Variants in CTNNA3 observed in about 807,000 individuals in gnomAD.
CTNNA3 encodes catenin alpha-3.
In CTNNA3, 76 loss-of-function variants were observed where a neutral mutation model predicts 95.7. The observed-to-expected ratio is 0.79, with a 90% CI of 0.66 to 0.96. The LOEUF (loss-of-function observed/expected upper bound fraction) is 0.96, where lower values mean the gene tolerates loss of function less well. Among genes scored for constraint, CTNNA3 ranks in the 40% least tolerant of loss-of-function variants. The pLI, the probability that CTNNA3 is intolerant of heterozygous loss-of-function variation, is 0.00. For synonymous variants in CTNNA3, 431 were observed against 374.4 expected, an observed-to-expected ratio of 1.15 and a Z score of -1.74; for missense variants, 1,191 against 1,089.8, an observed-to-expected ratio of 1.09 and a Z score of -1.31.
chr10:66,510,560 G>T (rs187587506), intron 11 of CTNNA3, among the ~76,000 whole-genome samples: 11 of 67,742 alleles, frequency 1.6e-4, no homozygotes, highest in African/African-American at 4.0e-4. Flanking sequence ...TTGTGTTGAG[G>T]TATATTCCCT....
At chr10:67,223,181 G>A (rs923309074) in intron 5 of CTNNA3, among the ~76,000 whole-genome samples, 3 of 152,170 alleles carry the variant, frequency 2.0e-5, no homozygotes, top group African/African-American at 7.2e-5. Context: ...AACTGACAAG[G>A]CATGACCATT....
At chr10:65,994,204 G>A (rs2078600515) in intron 15 of CTNNA3, among the ~76,000 whole-genome samples, 1 of 152,038 alleles carries the variant, frequency 6.6e-6, no homozygotes, top group Admixed American at 6.6e-5. Context: ...TACCATTTGA[G>A]TAGTTTCTAC....
chr10:66,771,276 T>C (rs1007977717), intron 8 of CTNNA3, among the ~76,000 whole-genome samples: 20 of 152,208 alleles, frequency 1.3e-4, no homozygotes, highest in Non-Finnish European at 5.9e-5. Context: ...AGCCTGCCTT[T>C]AGTGAAATCA....
At chr10:66,159,368 G>A (rs1445286650) in intron 13 of CTNNA3, among the ~76,000 whole-genome samples, 3 of 152,010 alleles carry the variant, frequency 2.0e-5, no homozygotes, top group African/African-American at 7.2e-5. Context: ...TAATCATAAA[G>A]CGATGCTAGA....
chr10:66,160,014 A>G (rs1016114870), intron 13 of CTNNA3, among the ~76,000 whole-genome samples: 10 of 151,918 alleles, frequency 6.6e-5, no homozygotes, highest in Non-Finnish European at 1.2e-4. Flanking sequence ...CAGTGGTGTC[A>G]GTTGTAGTGT....
Position 66,018,213 on chromosome 10 carries a change from C to CAT in CTNNA3, c.2160-29417_2160-29416insAT, listed in dbSNP as rs1453802990. Among the ~76,000 whole-genome samples, 370 of 151,914 alleles carry CAT rather than the reference C, an allele frequency of 2.4e-3. 1 individual carries two copies. Among genetic ancestry groups the CAT allele is most frequent in the African/African-American group, 8.7e-3 (361 of 41,452 alleles). Reference sequence around the variant, plus strand: ...ACACACACACACACACACACACACACACACACTATTTTATTGGCTGACAAA... The same window carrying CAT: ...ACACACACACACACACACACACACACATACACACTATTTTATTGGCTGACAAA... On this transcript the variant is annotated intron_variant, in intron 15 of 17. Coordinates refer to ENST00000433211, the MANE Select transcript of CTNNA3 (RefSeq NM_013266.4).
chr10:67,711,904 G>A (rs1052593029), intron 1 of CTNNA3, among the ~76,000 whole-genome samples: 2 of 151,970 alleles, frequency 1.3e-5, no homozygotes, highest in Non-Finnish European at 2.9e-5. Flanking sequence ...CCCTACAAAG[G>A]ACATGAACTC....
intron 13 of CTNNA3, among the ~76,000 whole-genome samples, chr10:66,188,963 T>C (rs759303608): frequency 9.2e-5 from 14 of 152,256 alleles, no homozygotes; most frequent in Non-Finnish European, 2.1e-4. Context: ...TTGACTTGCA[T>C]TTCCCTGATC....
rs546324324 is a variant in CTNNA3 at position 66,684,899 on chromosome 10, T to C, written c.1282-63115A>G. Among the ~76,000 whole-genome samples the C allele has an allele frequency of 4.0e-3, 440 of 110,250 alleles. 3 individuals carry two copies. The highest frequency in any genetic ancestry group is 0.016 in the African/African-American group (406 of 24,666). 72.3% of individuals were successfully genotyped at this position (110,250 alleles called of 152,430 possible). ...ATTAGTAATTATGTAGGAATAAACG[T>C]GATGATTCTAAAAAAATTATCTTAT... On this transcript the variant is annotated intron_variant, in intron 9 of 17. Transcript: ENST00000433211.
In CTNNA3 at chr10:67,472,222, G is replaced by A. The variant is rs181864355; in HGVS notation, c.579+49620C>T. The stretch of plus-strand genomic sequence containing the variant: ...CCATATTAAAGTATTTGTACTTCCT[G>A]GACTTTCACCTATATTTCATATCTC... On this transcript the variant is annotated intron_variant, in intron 5 of 17. Coordinates refer to ENST00000433211, the MANE Select transcript of CTNNA3 (RefSeq NM_013266.4). Among the ~76,000 whole-genome samples, 3 of 152,228 alleles carry A rather than the reference G, an allele frequency of 2.0e-5. No individual in the cohort carries two copies. The East Asian group carries it at 5.8e-4, about 29-fold the overall frequency.
intron 6 of CTNNA3, among the ~76,000 whole-genome samples, chr10:67,214,965 A>C (rs992800996): frequency 3.9e-5 from 6 of 152,040 alleles, no homozygotes; most frequent in African/African-American, 1.2e-4. Flanking sequence ...TTAGCTATAG[A>C]GAATGGTGAC....
At chr10:66,351,499 C>A (rs904328920) in intron 12 of CTNNA3, among the ~76,000 whole-genome samples, 6 of 151,908 alleles carry the variant, frequency 3.9e-5, no homozygotes, top group Admixed American at 6.6e-5. Context: ...TATCATCTTA[C>A]ATTTATTCAG....
In CTNNA3 at chr10:67,046,490, T is replaced by A. The variant is rs190866025; in HGVS notation, c.1047+133827A>T. ...AATAGACATTGCCACGATATCTTCCTAGAAGAACAAGGGGATTCCTGGAAA... is the reference window on the plus strand; with the variant it reads ...AATAGACATTGCCACGATATCTTCCAAGAAGAACAAGGGGATTCCTGGAAA... On this transcript the variant is annotated intron_variant, in intron 7 of 17. Coordinates refer to ENST00000433211, the MANE Select transcript of CTNNA3 (RefSeq NM_013266.4). 5.3e-4 allele frequency among the ~76,000 whole-genome samples: 81 copies of A among 152,264 alleles called. No individual in the cohort carries two copies. The Middle Eastern group carries it at 0.01, about 19-fold the overall frequency.
At chr10:67,568,348 C>A (rs4746691) in intron 3 of CTNNA3, among the ~76,000 whole-genome samples, 60,269 of 151,406 alleles carry the variant, frequency 0.4, 15,293 homozygotes, top group African/African-American at 0.69. Context: ...TGGAAGTGTA[C>A]TTAATCTTCC....
chr10:66,858,659 G>A (rs370695272), intron 7 of CTNNA3, among the ~76,000 whole-genome samples: 12 of 151,908 alleles, frequency 7.9e-5, no homozygotes, highest in South Asian at 2.1e-4. Flanking sequence ...AAATTTATCC[G>A]TTTCTTCTAG....
intron 9 of CTNNA3, among the ~76,000 whole-genome samples, chr10:66,719,554 C>T (rs1429163464): frequency 6.6e-6 from 1 of 152,170 alleles, no homozygotes; most frequent in African/African-American, 2.4e-5. Flanking sequence ...AGCTTCTGCA[C>T]ATGGGGCATC....
At position 67,606,925 on chromosome 10, in the gene CTNNA3, T is replaced by C. The variant is rs1188296123; in HGVS notation, c.224A>G (p.Lys75Arg). 1 of 1,614,018 alleles carries C rather than the reference T, an allele frequency of 6.2e-7. No homozygotes were observed. Among genetic ancestry groups the C allele is most frequent in the Non-Finnish European group, 8.5e-7 (1 of 1,179,992 alleles). ...ATWNLLDKGE[K>R]IAQEATVLKD... ...TAAAACTGTAGCTTCCTGGGCAATC[T>C]TCTCTCCCTTGTCTAATAAATTCCA... Residue 75 changes from lysine (K) to arginine (R), a missense_variant, in exon 3 of 18, where the codon AAG becomes AGG. Coordinates refer to ENST00000433211, the MANE Select transcript of CTNNA3 (RefSeq NM_013266.4).
chr10:66,451,803 C>T (rs896437795), intron 11 of CTNNA3, among the ~76,000 whole-genome samples: 2 of 152,118 alleles, frequency 1.3e-5, no homozygotes, highest in African/African-American at 4.8e-5. Flanking sequence ...AACTTTCAAT[C>T]CTTTTACCAT....
At chr10:66,365,873 C>T (rs1409781505) in intron 12 of CTNNA3, among the ~76,000 whole-genome samples, 1 of 151,944 alleles carries the variant, frequency 6.6e-6, no homozygotes, top group Admixed American at 6.6e-5. Context: ...AAGCCTCCTG[C>T]CAACAAAAAC....
Sources: gnomAD v4.1 joint callset for allele counts (sites outside exome capture counted in the v4.1 genomes callset) on GRCh38, gnomAD v4.1.1 for gene constraint, MANE v1.5 for transcripts, NCBI Gene and HGNC (gene_info 2026-07-23, HGNC 2026-07-21) for gene names.